P2RX7: variants seen among roughly 807,000 people sequenced by gnomAD.
The protein encoded by P2RX7 is P2X purinoceptor 7.
P2RX7 carries 62 observed loss-of-function variants against 71.6 expected under a neutral mutation model. The observed-to-expected ratio is 0.87, with a 90% CI of 0.71 to 1.07. P2RX7 has a LOEUF of 1.07. P2RX7 is among the 50% of genes least tolerant of loss of function. The probability of loss-of-function intolerance (pLI) is 0.00; values close to 1 mark genes in which losing one functional copy is unlikely to be tolerated. For missense variants in P2RX7, 686 were observed against 748.5 expected, an observed-to-expected ratio of 0.92 and a Z score of 0.97; for synonymous variants, 299 against 283.3, an observed-to-expected ratio of 1.06 and a Z score of -0.56.
intron 1 of P2RX7, among the ~76,000 whole-genome samples, chr12:121,141,722 G>A (rs575658749): frequency 7.0e-4 from 107 of 152,186 alleles, no homozygotes; most frequent in African/African-American, 2.5e-3. Context: ...AGCATGTGCC[G>A]GGTTCTGTTC....
At position 121,148,188 on chromosome 12, in the gene P2RX7, T is replaced by TTTTATTTATTTATTTA. The variant is rs10627747; in HGVS notation, c.126-6569_126-6554dup. Among the ~76,000 whole-genome samples, 77 of 140,488 alleles carry TTTTATTTATTTATTTA rather than the reference T, an allele frequency of 5.5e-4. 2 individuals carry two copies. The highest frequency in any genetic ancestry group is 3.6e-3 in the Middle Eastern group (1 of 280). 92.2% of individuals were successfully genotyped at this position (140,488 alleles called of 152,430 possible). A position where few individuals can be genotyped will look rare whatever the true frequency, so the allele number is the denominator to read the frequency against. On this transcript the variant is annotated intron_variant, in intron 1 of 12. Coordinates refer to ENST00000328963, the MANE Select transcript of P2RX7 (RefSeq NM_002562.6). ...TGGGAATGACTTGGGCTGGGATCTTTTTTATTTATTTATTTATTTATTTAT... is the reference window on the plus strand; with the variant it reads ...TGGGAATGACTTGGGCTGGGATCTTTTTTATTTATTTATTTATTTATTTATTTATTTATTTATTTAT...
At chr12:121,152,022 C>A (rs961202181) in intron 1 of P2RX7, among the ~76,000 whole-genome samples, 1 of 152,158 alleles carries the variant, frequency 6.6e-6, no homozygotes, top group Non-Finnish European at 1.5e-5. Flanking sequence ...ATTACTCGCC[C>A]AGGCTGGAGT....
chr12:121,155,011 G>A (rs1040028291), intron 2 of P2RX7, 58 bp downstream of exon 2: 3 of 1,600,860 alleles, frequency 1.9e-6, no homozygotes, highest in Non-Finnish European at 1.7e-6. Context: ...CCAGGGCCTA[G>A]CTCCCTTCCC....
chr12:121,142,230 G>A (rs1875060334), intron 1 of P2RX7, among the ~76,000 whole-genome samples: 1 of 152,168 alleles, frequency 6.6e-6, no homozygotes, highest in African/African-American at 2.4e-5. Context: ...CTGAGTTCCT[G>A]CCTGGAGACT....
intron 5 of P2RX7, among the ~76,000 whole-genome samples, chr12:121,163,336 ACACAC>A: frequency 8.1e-6 from 1 of 123,038 alleles, no homozygotes; most frequent in Non-Finnish European, 1.7e-5. Flanking sequence ...TTACACACAC[ACACAC>A]ACACACACAC....
chr12:121,169,989 G>A (rs917507367), intron 8 of P2RX7, among the ~76,000 whole-genome samples: 1 of 152,062 alleles, frequency 6.6e-6, no homozygotes, highest in African/African-American at 2.4e-5. Context: ...CACTGTCCCC[G>A]CCACTCCTTA....
At chr12:121,180,297 G>T (rs903634348) in intron 11 of P2RX7, 57 bp from the exon 12 acceptor site, 2 of 973,822 alleles carry the variant, frequency 2.1e-6, no homozygotes, top group Non-Finnish European at 3.1e-6. Flanking sequence ...CTTTAGATAG[G>T]CAATTCTTGA....
Position 121,185,303 on chromosome 12 carries a change from G to A in P2RX7, c.*501G>A, listed in dbSNP as rs750092062. ...CATGGACTCAGAGAAAAGAGATTGAGATGTAAGTCTCAACTCTGTCCCCAG... is the reference window on the plus strand; with the variant it reads ...CATGGACTCAGAGAAAAGAGATTGAAATGTAAGTCTCAACTCTGTCCCCAG... On this transcript the variant is annotated 3_prime_UTR_variant, in exon 13 of 13. Transcript: ENST00000328963. The A allele has an allele frequency of 6.5e-6, 1 of 154,356 alleles. No homozygotes were observed. The allele number at this position is 154,356 out of a possible 1,614,324, so 9.6% of individuals were successfully genotyped here. A position where few individuals can be genotyped will look rare whatever the true frequency, so the allele number is the denominator to read the frequency against.
intron 11 of P2RX7, among the ~76,000 whole-genome samples, chr12:121,178,227 T>C (rs1883489182): frequency 6.6e-6 from 1 of 152,196 alleles, no homozygotes; most frequent in Non-Finnish European, 1.5e-5. Flanking sequence ...GATTGTTTAT[T>C]AAATTATCAA....
chr12:121,150,434 A>G (rs1314240527), intron 1 of P2RX7, among the ~76,000 whole-genome samples: 2 of 152,242 alleles, frequency 1.3e-5, no homozygotes, highest in African/African-American at 2.4e-5. Flanking sequence ...TGCAACATCC[A>G]GCATGAGAAA....
chr12:121,140,548 T>C (rs34185850), intron 1 of P2RX7, among the ~76,000 whole-genome samples: 7,529 of 152,056 alleles, frequency 0.05, 234 homozygotes, highest in South Asian at 0.079. Flanking sequence ...TGGACAAAGC[T>C]GAGATGTGTT....
chr12:121,165,374 G>A lies in P2RX7; in HGVS notation c.551G>A (p.Ser184Asn). The A allele has an allele frequency of 1.9e-6, 3 of 1,614,022 alleles. No individual in the cohort carries two copies. The highest frequency in any genetic ancestry group is 2.5e-6 in the Non-Finnish European group (3 of 1,179,970). The change falls in exon 6 of 13, where the codon AGT (serine) becomes AAT (asparagine). Residue 184 changes from serine to asparagine, a missense_variant. Coordinates refer to ENST00000328963, the MANE Select transcript of P2RX7 (RefSeq NM_002562.6). ...TCTCCCAGGCCTGCTCTCTTGAACA[G>A]TGCCGAAAACTTCACTGTGCTCATC... The part of the protein sequence containing the change: ...EEAPRPALLN[S>N]AENFTVLIKN...
chr12:121,163,042 A>G (rs1880091508), intron 5 of P2RX7, among the ~76,000 whole-genome samples: 1 of 152,176 alleles, frequency 6.6e-6, no homozygotes, highest in South Asian at 2.1e-4. Context: ...GGTCCCTTGT[A>G]TTGATGCTTC....
At chr12:121,140,432 G>T (rs572165443) in intron 1 of P2RX7, among the ~76,000 whole-genome samples, 1 of 152,320 alleles carries the variant, frequency 6.6e-6, no homozygotes, top group East Asian at 1.9e-4. Context: ...ATAGAGTGTG[G>T]TGGGACAAGA....
At chr12:121,136,647 CTTTT>C (rs66894143) in intron 1 of P2RX7, among the ~76,000 whole-genome samples, 2 of 119,250 alleles carry the variant, frequency 1.7e-5, no homozygotes, top group African/African-American at 6.7e-5. Context: ...TTCTTTCTTT[CTTTT>C]TTTTTTTTTT....
rs3078950 is a variant in P2RX7, at chr12:121,186,053, CAAAAAAAAAA to C, written c.*1256_*1265del. 6 of 86,636 alleles carry C rather than the reference CAAAAAAAAAA, an allele frequency of 6.9e-5. No individual in the cohort carries two copies. The Admixed American group carries it at 8.1e-4, about 12-fold the overall frequency. 5.4% of individuals were successfully genotyped at this position (86,636 alleles called of 1,614,324 possible). ...TGGGTGACAGAGCGAGACTCCATCT[CAAAAAAAAAA>C]AAAAGAAAAAAAAAATGTCTGCCTA... On this transcript the variant is annotated 3_prime_UTR_variant, in exon 13 of 13. Coordinates refer to ENST00000328963, the MANE Select transcript of P2RX7 (RefSeq NM_002562.6).
At chr12:121,162,647 C>A (rs1161661135) in intron 5 of P2RX7, 127 bp downstream of exon 5, 2 of 1,050,634 alleles carry the variant, frequency 1.9e-6, no homozygotes, top group Non-Finnish European at 2.7e-6. Context: ...GGCTTGGGGA[C>A]CCCTGCGCTC....
chr12:121,167,374 A>G (rs1881301985), intron 7 of P2RX7, 114 bp from the exon 8 acceptor site: 1 of 1,235,850 alleles, frequency 8.1e-7, no homozygotes, highest in Non-Finnish European at 1.1e-6. Flanking sequence ...TGGTTCTTCA[A>G]TCAGCATTTT....
chr12:121,155,336 A>T (rs1463779492), intron 2 of P2RX7: 9 of 1,299,936 alleles, frequency 6.9e-6, no homozygotes, highest in Non-Finnish European at 9.0e-6. Context: ...ATTGTGTAGC[A>T]TTTCATCAAC....
Sources: allele counts gnomAD v4.1 joint callset (sites outside exome capture counted in the v4.1 genomes callset), GRCh38; gene constraint gnomAD v4.1.1; transcripts MANE v1.5; gene names NCBI Gene and HGNC (gene_info 2026-07-23, HGNC 2026-07-21).